Variants in GNG4 observed in about 807,000 individuals in gnomAD.
The protein encoded by GNG4 is guanine nucleotide-binding protein G(I)/G(S)/G(O) subunit gamma-4.
Under a neutral mutation model 5.8 loss-of-function variants are expected in GNG4, and 4 were observed. The observed-to-expected ratio is 0.69, with a 90% CI of 0.34 to 1.57. The LOEUF (loss-of-function observed/expected upper bound fraction) is 1.57, where lower values mean the gene tolerates loss of function less well. GNG4 is among the 40% of genes most tolerant of loss of function. The pLI, the probability that GNG4 is intolerant of heterozygous loss-of-function variation, is 0.06. For synonymous variants in GNG4, 29 were observed against 32.9 expected, an observed-to-expected ratio of 0.88 and a Z score of 0.41; for missense variants, 96 against 95.1, an observed-to-expected ratio of 1.01 and a Z score of -0.04.
intron 3 of GNG4, among the ~76,000 whole-genome samples, chr1:235,583,127 C>T (rs188445733): frequency 3.9e-5 from 6 of 152,294 alleles, no homozygotes; most frequent in African/African-American, 9.6e-5. Flanking sequence ...TTACAGTCAA[C>T]GAGCGTCATG....
chr1:235,622,670 CA>C (rs1278289764), intron 1 of GNG4, among the ~76,000 whole-genome samples: 1 of 151,942 alleles, frequency 6.6e-6, no homozygotes, highest in Non-Finnish European at 1.5e-5. Flanking sequence ...CACCTGAGGT[CA>C]GGAGTTCGAG....
In GNG4 at chr1:235,644,001, G is replaced by A. The variant is rs1442580116; in HGVS notation, c.-123+5661C>T. On this transcript the variant is annotated intron_variant, in intron 1 of 3. Transcript: ENST00000391854. This position sits in a 1 kb window ranked among gnomAD's most constrained non-coding sequence, Gnocchi z 5.9. The stretch of plus-strand genomic sequence containing the variant: ...AGGGCACACTTGCTGCAGTGTTCAC[G>A]GAGCACACACAGAAAGATCTGCCCG... Among the ~76,000 whole-genome samples the A allele has an allele frequency of 6.6e-6, 1 of 152,110 alleles. No individual in the cohort carries two copies. Among genetic ancestry groups the A allele is most frequent in the Non-Finnish European group, 1.5e-5 (1 of 68,014 alleles).
intron 3 of GNG4, among the ~76,000 whole-genome samples, chr1:235,553,147 GGCTTATCTGAAGCCT>G (rs1686798874): frequency 6.6e-6 from 1 of 152,164 alleles, no homozygotes; most frequent in African/African-American, 2.4e-5. Flanking sequence ...TTTCTTTCCA[GGCTTATCTGAAGCCT>G]GCTGGCGCAT....
At chr1:235,594,243 G>A (rs1236178598) in intron 2 of GNG4, among the ~76,000 whole-genome samples, 1 of 152,316 alleles carries the variant, frequency 6.6e-6, no homozygotes, top group Middle Eastern at 3.4e-3. Context: ...GCTAGACACA[G>A]GGTGCTGATT....
chr1:235,564,510 G>T (rs1252057265), intron 3 of GNG4, among the ~76,000 whole-genome samples: 1 of 152,054 alleles, frequency 6.6e-6, no homozygotes, highest in Non-Finnish European at 1.5e-5. Context: ...TTGTAATAAA[G>T]ACTCTTGGAC....
intron 1 of GNG4, chr1:235,615,742 AC>A: frequency 3.9e-6 from 1 of 253,568 alleles, no homozygotes; most frequent in South Asian, 6.8e-5. Flanking sequence ...TCCAAGAAGC[AC>A]CAGGAGGAGG....
intron 1 of GNG4, among the ~76,000 whole-genome samples, chr1:235,625,104 G>C (rs988861588): frequency 6.6e-6 from 1 of 152,108 alleles, no homozygotes; most frequent in Non-Finnish European, 1.5e-5. Flanking sequence ...CTGGGGCTCT[G>C]GGGGAGGGAA....
chr1:235,591,985 A>G (rs1005760939), intron 2 of GNG4, among the ~76,000 whole-genome samples: 3 of 152,238 alleles, frequency 2.0e-5, no homozygotes, highest in Non-Finnish European at 1.5e-5. Context: ...TGAGAAGTAA[A>G]TAAGTGACTT....
chr1:235,591,381 A>T (rs1687958071), intron 2 of GNG4, among the ~76,000 whole-genome samples: 1 of 152,226 alleles, frequency 6.6e-6, no homozygotes, highest in African/African-American at 2.4e-5. Flanking sequence ...GGGCAAAAAA[A>T]GCAGGAAATC....
intron 3 of GNG4, among the ~76,000 whole-genome samples, chr1:235,560,957 C>T (rs555476383): frequency 3.9e-4 from 59 of 152,256 alleles, no homozygotes; most frequent in African/African-American, 1.3e-3. Flanking sequence ...TTTTCATACG[C>T]TTATTTTCCA....
At chr1:235,560,639 C>G (rs186424932) in intron 3 of GNG4, among the ~76,000 whole-genome samples, 4 of 152,192 alleles carry the variant, frequency 2.6e-5, no homozygotes, top group African/African-American at 9.7e-5. Context: ...GAAACAGACA[C>G]GAAGAAGTTT....
chr1:235,575,389 C>T (rs1471881968), intron 3 of GNG4, among the ~76,000 whole-genome samples: 3 of 152,204 alleles, frequency 2.0e-5, no homozygotes. Flanking sequence ...CCATGTGTAG[C>T]CAGTTCTCCT....
intron 1 of GNG4, among the ~76,000 whole-genome samples, chr1:235,619,261 G>C (rs1287256662): frequency 6.7e-6 from 1 of 149,002 alleles, no homozygotes; most frequent in Non-Finnish European, 1.5e-5. Flanking sequence ...GCTGGGTGTG[G>C]TGGTGTGGGC....
intron 1 of GNG4, among the ~76,000 whole-genome samples, chr1:235,626,748 C>T (rs937613723): frequency 6.6e-6 from 1 of 152,020 alleles, no homozygotes; most frequent in African/African-American, 2.4e-5. Context: ...CACCTGAGGT[C>T]AGGAGTTAGG....
intron 1 of GNG4, among the ~76,000 whole-genome samples, chr1:235,600,534 G>A (rs575934646): frequency 6.6e-6 from 1 of 151,936 alleles, no homozygotes; most frequent in African/African-American, 2.4e-5. Flanking sequence ...TAATCTCCTG[G>A]GCTCAAGTGA....
At chr1:235,613,862 C>A (rs112969077) in intron 1 of GNG4, among the ~76,000 whole-genome samples, 1 of 152,126 alleles carries the variant, frequency 6.6e-6, no homozygotes. Flanking sequence ...GTGTGTGAAC[C>A]TTTCAAGCAG....
At chr1:235,559,581 G>C (rs544095040) in intron 3 of GNG4, among the ~76,000 whole-genome samples, 2 of 152,156 alleles carry the variant, frequency 1.3e-5, no homozygotes, top group Non-Finnish European at 2.9e-5. Flanking sequence ...ACTTGTTGGC[G>C]GATGGCCTGT....
intron 3 of GNG4, among the ~76,000 whole-genome samples, chr1:235,577,281 G>A (rs1219475266): frequency 6.6e-6 from 1 of 152,124 alleles, no homozygotes; most frequent in Non-Finnish European, 1.5e-5. Flanking sequence ...AGCCAGCTCT[G>A]TGGGCCTGGG....
intron 2 of GNG4, among the ~76,000 whole-genome samples, chr1:235,591,454 G>GAT (rs1472262979): frequency 6.6e-6 from 1 of 152,232 alleles, no homozygotes; most frequent in Non-Finnish European, 1.5e-5. Flanking sequence ...ATGCTTTGAA[G>GAT]ATAGAGCCCT....
Sources: gnomAD v4.1 joint callset for allele counts (sites outside exome capture counted in the v4.1 genomes callset) on GRCh38, gnomAD v4.1.1 for gene constraint, Gnocchi (gnomAD v3.1) non-coding constraint, MANE v1.5 for transcripts, NCBI Gene and HGNC (gene_info 2026-07-23, HGNC 2026-07-21) for gene names.